PRPF3: variants seen among roughly 807,000 people sequenced by gnomAD.
PRPF3 encodes U4/U6 small nuclear ribonucleoprotein Prp3.
In PRPF3, 3 loss-of-function variants were observed where a neutral mutation model predicts 89.2. The ratio of observed to expected loss-of-function variants is 0.03; its 90% CI spans 0.02 to 0.09. The LOEUF is 0.09. Ranked by LOEUF, PRPF3 falls within the 10% of genes least tolerant of loss-of-function variation. The probability of loss-of-function intolerance (pLI) is 1.00; values close to 1 mark genes in which losing one functional copy is unlikely to be tolerated. For missense variants in PRPF3, 463 were observed against 828.8 expected (o/e 0.56, Z 5.42); for synonymous variants, 270 against 289.1 (o/e 0.93, Z 0.67).
At chr1:150,336,258 A>G (rs1218582598) in intron 7 of PRPF3, among the ~76,000 whole-genome samples, 1 of 152,124 alleles carries the variant, frequency 6.6e-6, no homozygotes, top group Non-Finnish European at 1.5e-5. Flanking sequence ...TCACATGTAC[A>G]GTTCACAATA....
intron 4 of PRPF3, among the ~76,000 whole-genome samples, chr1:150,331,230 G>T (rs1050001044): frequency 6.6e-6 from 1 of 151,522 alleles, no homozygotes; most frequent in Admixed American, 6.6e-5. Context: ...GTAGAGATGG[G>T]GTTTCACCCT....
chr1:150,333,672 G>A (rs1225724613), intron 6 of PRPF3, among the ~76,000 whole-genome samples: 8 of 152,078 alleles, frequency 5.3e-5, no homozygotes, highest in Non-Finnish European at 1.0e-4. Context: ...ATTTTTTCTC[G>A]TCTTCCCTGT....
intron 15 of PRPF3, among the ~76,000 whole-genome samples, chr1:150,349,869 GTA>G (rs1181115581): frequency 8.9e-6 from 1 of 112,130 alleles, no homozygotes; most frequent in Non-Finnish European, 1.8e-5. Context: ...TATAGTACAT[GTA>G]TATCTTTTTT....
intron 8 of PRPF3, among the ~76,000 whole-genome samples, chr1:150,339,494 T>A (rs1657440426): frequency 1.3e-5 from 2 of 151,560 alleles, no homozygotes; most frequent in Admixed American, 1.3e-4. Context: ...TGGAGTGCAG[T>A]GGAGCAATCT....
intron 9 of PRPF3, among the ~76,000 whole-genome samples, chr1:150,341,187 T>G (rs1657671158): frequency 6.6e-6 from 1 of 150,488 alleles, no homozygotes; most frequent in Non-Finnish European, 1.5e-5. Flanking sequence ...TACAGTTCCC[T>G]GGTTGTTCCT....
Position 150,332,970 on chromosome 1 carries a change from A to G in PRPF3, c.508-9A>G, listed in dbSNP as rs781839797. On this transcript the variant is annotated splice_polypyrimidine_tract_variant and intron_variant, in intron 5 of 15. Transcript: ENST00000324862. ...TAATTCCTCTGATTTCTTTTTCTCT[A>G]TCTCACAGCCAAAGACTCCTTCTTC... 5.0e-5 allele frequency: 81 copies of G among 1,608,438 alleles called. No individual in the cohort carries two copies. The highest frequency in any genetic ancestry group is 6.5e-5 in the Non-Finnish European group (76 of 1,175,418).
rs184486229 is a variant in PRPF3 at position 150,332,117 on chromosome 1, G to A, written c.424-567G>A. 4.1e-3 allele frequency among the ~76,000 whole-genome samples: 621 copies of A among 151,918 alleles called. 7 individuals are homozygous for A. Among genetic ancestry groups the A allele is most frequent in the African/African-American group, 0.014 (582 of 41,428 alleles). On this transcript the variant is annotated intron_variant, in intron 4 of 15. Coordinates refer to ENST00000324862, the MANE Select transcript of PRPF3 (RefSeq NM_004698.4). ...TGGGCGCCTATAGTCCCAGCTACTC[G>A]GGATGCTGAGGCAGGAGAATGGCAT...
In PRPF3 at chr1:150,347,257, T is replaced by C. The variant is rs1284801656; in HGVS notation, c.1843+766T>C. Among the ~76,000 whole-genome samples the C allele has an allele frequency of 6.6e-5, 10 of 151,376 alleles. No homozygotes were observed. The East Asian group carries it at 1.7e-3, about 26-fold the overall frequency. ...ATTTCTTTTGTCTGATATATATATA[T>C]ACACACATACACATACATACACACA... On this transcript the variant is annotated intron_variant, in intron 14 of 15. Coordinates refer to ENST00000324862, the MANE Select transcript of PRPF3 (RefSeq NM_004698.4).
intron 9 of PRPF3, among the ~76,000 whole-genome samples, chr1:150,341,232 C>G (rs782200765): frequency 1.3e-5 from 2 of 151,728 alleles, no homozygotes; most frequent in Non-Finnish European, 2.9e-5. Context: ...TTTTATAGAA[C>G]CACATGTTGT....
At chr1:150,344,011 G>C in intron 10 of PRPF3, 151 bp from the exon 11 acceptor site, 1 of 713,412 alleles carries the variant, frequency 1.4e-6, no homozygotes, top group Non-Finnish European at 2.5e-6. Context: ...TGATTGGATG[G>C]GATTTTCAAG....
chr1:150,323,215 CTG>C (rs1221263761), intron 1 of PRPF3, among the ~76,000 whole-genome samples: 1 of 105,596 alleles, frequency 9.5e-6, no homozygotes, highest in Non-Finnish European at 1.7e-5. Flanking sequence ...CAGTTTCACT[CTG>C]TCGCTCAGGC....
chr1:150,325,114 T>A, intron 2 of PRPF3, 27 bp downstream of exon 2: 1 of 1,610,720 alleles, frequency 6.2e-7, no homozygotes, highest in African/African-American at 1.3e-5. Flanking sequence ...ATCTTTTATC[T>A]TAACATATAG....
At chr1:150,322,148 G>T (rs1655119988) in intron 1 of PRPF3, among the ~76,000 whole-genome samples, 1 of 152,078 alleles carries the variant, frequency 6.6e-6, no homozygotes, top group Non-Finnish European at 1.5e-5. Flanking sequence ...GGTAACAGTG[G>T]CACCTCATTT....
intron 4 of PRPF3, among the ~76,000 whole-genome samples, chr1:150,329,487 G>A (rs1656089007): frequency 1.3e-5 from 2 of 152,010 alleles, no homozygotes; most frequent in African/African-American, 2.4e-5. Flanking sequence ...GAGTCATTGA[G>A]AAAATTAAAT....
At chr1:150,333,223 C>T (rs782508493) in intron 6 of PRPF3, 24 bp downstream of exon 6, 10 of 1,608,126 alleles carry the variant, frequency 6.2e-6, no homozygotes, top group Non-Finnish European at 7.7e-6. Context: ...TCATGGAATA[C>T]CTTTTCATTT....
intron 4 of PRPF3, 92 bp from the exon 5 acceptor site, chr1:150,332,592 C>T: frequency 8.1e-7 from 1 of 1,231,518 alleles, no homozygotes; most frequent in South Asian, 1.2e-5. Flanking sequence ...TTTTAAGTGT[C>T]TAGACCTGAG....
intron 6 of PRPF3, 66 bp from the exon 7 acceptor site, chr1:150,334,869 T>C: frequency 6.3e-6 from 10 of 1,584,196 alleles, no homozygotes; most frequent in Non-Finnish European, 8.6e-6. Flanking sequence ...ACGCCTGGCT[T>C]TATTTTGTTT....
rs1553872363 is a variant in PRPF3 at position 150,344,452 on chromosome 1, C to T, written c.1545C>T (p.Asn515=). 3.7e-6 allele frequency: 6 copies of T among 1,614,114 alleles called. No individual in the cohort carries two copies. The highest frequency in any genetic ancestry group is 1.3e-5 in the African/African-American group (1 of 75,026). ...ACGACAGAGCGCATGAAGAGGCCAA[C>T]GCTGCCCGAAAACTCACAGCAGAAC... is the stretch of plus-strand genomic sequence containing the variant. ...AKRQKAHEEA[N]AARKLTAEQR... is the part of the protein sequence containing the mutation. Residue 515 remains asparagine, a synonymous_variant, in exon 12 of 16, where the codon AAC becomes AAT. Coordinates refer to ENST00000324862, the MANE Select transcript of PRPF3 (RefSeq NM_004698.4).
Position 150,325,096 on chromosome 1 carries a change from CTTTCTGCATCT to C in PRPF3, c.145+13_145+23del, listed in dbSNP as rs782238374. 2 of 1,612,336 alleles carry C rather than the reference CTTTCTGCATCT, an allele frequency of 1.2e-6. No individual in the cohort carries two copies. Among genetic ancestry groups the C allele is most frequent in the South Asian group, 2.2e-5 (2 of 91,024 alleles). On this transcript the variant is annotated intron_variant, in intron 2 of 15. Coordinates refer to ENST00000324862, the MANE Select transcript of PRPF3 (RefSeq NM_004698.4). ...CAAGAAGAAGGCAGCCGGTATGTAC[CTTTCTGCATCT>C]TTTATCTTAACATATAGGGTGACCC...
Sources: allele counts gnomAD v4.1 joint callset (sites outside exome capture counted in the v4.1 genomes callset), GRCh38; gene constraint gnomAD v4.1.1; transcripts MANE v1.5; gene names NCBI Gene and HGNC (gene_info 2026-07-23, HGNC 2026-07-21).